Variants in PHLDB2 observed in about 807,000 individuals in gnomAD.
PHLDB2 encodes pleckstrin homology-like domain family B member 2.
Under a neutral mutation model 123.6 loss-of-function variants are expected in PHLDB2, and 71 were observed. That is an observed-to-expected ratio of 0.57 (90% CI 0.47 to 0.70). PHLDB2 has a LOEUF of 0.70. Among genes scored for constraint, PHLDB2 ranks in the 30% least tolerant of loss-of-function variants. The pLI, the probability that PHLDB2 is intolerant of heterozygous loss-of-function variation, is 0.00. For synonymous variants in PHLDB2, 547 were observed against 541.6 expected (o/e 1.01, Z -0.14); for missense variants, 1,446 against 1,519.5 (o/e 0.95, Z 0.80).
Position 111,911,273 on chromosome 3 carries a change from A to G in PHLDB2, c.1336-2046A>G, listed in dbSNP as rs531885333. 3.9e-5 allele frequency among the ~76,000 whole-genome samples: 6 copies of G among 152,346 alleles called. No individual in the cohort carries two copies. The South Asian group carries it at 1.0e-3, about 26-fold the overall frequency. On this transcript the variant is annotated intron_variant, in intron 2 of 17. Transcript: ENST00000431670. ...TATTTATGCCAAGGCTAATGTATACATGTTATACTACAAAGATTAGGAAAG... is the reference window on the plus strand; with the variant it reads ...TATTTATGCCAAGGCTAATGTATACGTGTTATACTACAAAGATTAGGAAAG...
At chr3:111,927,455 A>G (rs1004099276) in intron 5 of PHLDB2, among the ~76,000 whole-genome samples, 1 of 152,234 alleles carries the variant, frequency 6.6e-6, no homozygotes, top group African/African-American at 2.4e-5. Flanking sequence ...ACCTGACCGC[A>G]TATCTAATGA....
chr3:111,867,244 T>A (rs907305517), intron 1 of PHLDB2, among the ~76,000 whole-genome samples: 1 of 152,006 alleles, frequency 6.6e-6, no homozygotes, highest in Middle Eastern at 3.4e-3. Context: ...AAAAAAAAAA[T>A]CAGCTAGGAG....
Position 111,948,823 on chromosome 3 carries a change from A to C in PHLDB2, c.2488-109A>C, listed in dbSNP as rs190514538. 647 of 960,108 alleles carry C rather than the reference A, an allele frequency of 6.7e-4. 3 individuals are homozygous for C. In the African/African-American group the frequency reaches 9.3e-3, roughly 14 times the overall value. The allele number at this position is 960,108 out of a possible 1,614,324, so 59.5% of individuals were successfully genotyped here. ...TGAAACATTTGATAATACCACAGATATCTGGCTGTGCCGCTCTAAGCTAAC... is the reference window on the plus strand; with the variant it reads ...TGAAACATTTGATAATACCACAGATCTCTGGCTGTGCCGCTCTAAGCTAAC... On this transcript the variant is annotated intron_variant, in intron 9 of 17. Coordinates refer to ENST00000431670, the MANE Select transcript of PHLDB2 (RefSeq NM_001134438.2).
intron 1 of PHLDB2, among the ~76,000 whole-genome samples, chr3:111,762,940 A>T (rs1204458871): frequency 6.6e-6 from 1 of 152,156 alleles, no homozygotes; most frequent in Non-Finnish European, 1.5e-5. Context: ...AATGACTAAG[A>T]AGTGAGAAGA....
At chr3:111,741,307 G>GT (rs2059601057) in intron 1 of PHLDB2, among the ~76,000 whole-genome samples, 1 of 152,164 alleles carries the variant, frequency 6.6e-6, no homozygotes, top group Non-Finnish European at 1.5e-5. Context: ...CAGTGAAAAA[G>GT]GGAAGAGGGG....
intron 1 of PHLDB2, among the ~76,000 whole-genome samples, chr3:111,822,317 G>GTGTGTGTATA (rs1553734228): frequency 6.8e-6 from 1 of 147,806 alleles, no homozygotes; most frequent in African/African-American, 2.5e-5. Context: ...GTGTGTGTGT[G>GTGTGTGTATA]TATATATATA....
chr3:111,782,719 CTG>C (rs1478056233), intron 1 of PHLDB2, among the ~76,000 whole-genome samples: 1 of 151,988 alleles, frequency 6.6e-6, no homozygotes, highest in Non-Finnish European at 1.5e-5. Flanking sequence ...TAGGAATTGT[CTG>C]TCTTTCTTCT....
At chr3:111,969,623 A>G in intron 15 of PHLDB2, 67 bp from the exon 16 acceptor site, 1 of 1,318,068 alleles carries the variant, frequency 7.6e-7, no homozygotes, top group South Asian at 1.3e-5. Flanking sequence ...TTCTGCTTCT[A>G]AACATCTGTG....
intron 1 of PHLDB2, among the ~76,000 whole-genome samples, chr3:111,868,545 T>A (rs56873822): frequency 0.019 from 2,843 of 151,938 alleles, 82 homozygotes; most frequent in African/African-American, 0.064. Flanking sequence ...GTCTTTTTTT[T>A]AAAAAAAATA....
chr3:111,791,698 A>C (rs912536467), intron 1 of PHLDB2, among the ~76,000 whole-genome samples: 8 of 152,180 alleles, frequency 5.3e-5, no homozygotes, highest in African/African-American at 9.7e-5. Flanking sequence ...TCAGTGATAC[A>C]TTATAATTGT....
chr3:111,808,689 G>T (rs1576681385), intron 1 of PHLDB2, among the ~76,000 whole-genome samples: 1 of 152,096 alleles, frequency 6.6e-6, no homozygotes, highest in African/African-American at 2.4e-5. Context: ...AATACAATCT[G>T]CATGGACTGG....
Position 111,846,724 on chromosome 3 carries a change from C to CAT in PHLDB2, c.67+791_67+792dup, listed in dbSNP as rs1217140401. 3.3e-5 allele frequency among the ~76,000 whole-genome samples: 5 copies of CAT among 152,248 alleles called. No homozygotes were observed. The East Asian group carries it at 7.7e-4, about 24-fold the overall frequency. On this transcript the variant is annotated intron_variant, in intron 2 of 17. Coordinates refer to the PHLDB2 transcript ENST00000393923. ...AGAGAAACAGAACCAATAGAACACA[C>CAT]ATACACACACACACAGAGAAGGAGA...
At chr3:111,839,025 C>T (rs1001696687) in intron 1 of PHLDB2, among the ~76,000 whole-genome samples, 2 of 152,100 alleles carry the variant, frequency 1.3e-5, no homozygotes, top group African/African-American at 4.8e-5. Context: ...AGAATCACTT[C>T]CAGATTTCTC....
chr3:111,970,013 C>T, intron 16 of PHLDB2, 104 bp downstream of exon 16: 1 of 990,576 alleles, frequency 1.0e-6, no homozygotes, highest in Non-Finnish European at 1.5e-6. Context: ...TGATACATAA[C>T]AGAATTAATG....
intron 9 of PHLDB2, among the ~76,000 whole-genome samples, chr3:111,948,384 C>CAAAAGCTAGA (rs998698418): frequency 6.6e-6 from 1 of 152,152 alleles, no homozygotes; most frequent in African/African-American, 2.4e-5. Flanking sequence ...AGCTAGAACC[C>CAAAAGCTAGA]ACTGTAAATA....
At position 111,955,974 on chromosome 3, in the gene PHLDB2, G is replaced by A. The variant is rs2071030740; in HGVS notation, c.2872+1945G>A. 2.0e-5 allele frequency among the ~76,000 whole-genome samples: 3 copies of A among 152,280 alleles called. No homozygotes were observed. The South Asian group carries it at 6.2e-4, about 32-fold the overall frequency. ...TCAGCACCTTGGGAGGCTGAGGAGG[G>A]AAGATTGCTTAAGAATTTGAGACCA... On this transcript the variant is annotated intron_variant, in intron 12 of 17. Transcript: ENST00000431670.
chr3:111,850,352 C>T (rs1245697366), intron 2 of PHLDB2, among the ~76,000 whole-genome samples: 1 of 152,122 alleles, frequency 6.6e-6, no homozygotes, highest in African/African-American at 2.4e-5. Flanking sequence ...GGTAAATGTA[C>T]ACTACTTGCA....
At chr3:111,788,853 T>C (rs1451596769) in intron 1 of PHLDB2, among the ~76,000 whole-genome samples, 1 of 152,196 alleles carries the variant, frequency 6.6e-6, no homozygotes, top group Non-Finnish European at 1.5e-5. Context: ...GACAAAAGAT[T>C]ACACACCCCT....
intron 1 of PHLDB2, among the ~76,000 whole-genome samples, chr3:111,768,099 AG>A (rs2060113542): frequency 6.6e-6 from 1 of 152,218 alleles, no homozygotes; most frequent in Non-Finnish European, 1.5e-5. Context: ...AGCCACAAAT[AG>A]GGGAGTTTCC....
Sources: allele counts gnomAD v4.1 joint callset (sites outside exome capture counted in the v4.1 genomes callset), GRCh38; gene constraint gnomAD v4.1.1; transcripts MANE v1.5; gene names NCBI Gene and HGNC (gene_info 2026-07-23, HGNC 2026-07-21).